Variants in TENM3 observed in about 807,000 individuals in gnomAD.
TENM3 encodes teneurin-3.
TENM3 carries 63 observed loss-of-function variants against 255.1 expected under a neutral mutation model. The observed-to-expected ratio is 0.25, with a 90% CI of 0.20 to 0.30. The LOEUF (loss-of-function observed/expected upper bound fraction) is 0.30. Among genes scored for constraint, TENM3 ranks in the 10% least tolerant of loss-of-function variants. TENM3 has a pLI of 1.00. For synonymous variants in TENM3, 1,306 were observed against 1,322.3 expected (o/e 0.99, Z 0.27); for missense variants, 2,929 against 3,461.1 (o/e 0.85, Z 3.86).
At chr4:181,829,737 A>G in the TENM3 span, among the ~76,000 whole-genome samples, 2 of 151,998 alleles carry the variant, frequency 1.3e-5, no homozygotes, top group African/African-American at 4.8e-5. Flanking sequence ...CAGCCCCTAC[A>G]TTGCCCACCC....
rs185961955 is a variant in TENM3 at position 182,247,890 on chromosome 4, A to G, written c.-76+4414A>G. ...CCCAAACTCTAGCAAATGCACCCTC[A>G]CCCTTTCCCTGCAAAGCTCCCCACG... On this transcript the variant is annotated intron_variant, in intron 1 of 27. Coordinates refer to ENST00000511685, the MANE Select transcript of TENM3 (RefSeq NM_001080477.4). Among the ~76,000 whole-genome samples the G allele has an allele frequency of 1.6e-4, 24 of 152,204 alleles. No individual in the cohort carries two copies. In the East Asian group the frequency reaches 4.1e-3, roughly 26 times the overall value.
the TENM3 span, among the ~76,000 whole-genome samples, chr4:182,023,541 A>G: frequency 6.6e-6 from 1 of 152,184 alleles, no homozygotes; most frequent in African/African-American, 2.4e-5. Context: ...TATCATAGGG[A>G]GGAATTTCTG....
chr4:182,094,846 A>T, the TENM3 span, among the ~76,000 whole-genome samples: 1 of 152,134 alleles, frequency 6.6e-6, no homozygotes, highest in African/African-American at 2.4e-5. Flanking sequence ...AGAATCGGAA[A>T]TTAAAGTAAA....
intron 3 of TENM3, among the ~76,000 whole-genome samples, chr4:182,359,374 T>C (rs1479620354): frequency 1.3e-5 from 2 of 151,900 alleles, no homozygotes; most frequent in Non-Finnish European, 2.9e-5. Flanking sequence ...TGGTAAGCTA[T>C]TGATTATTGC....
intron 22 of TENM3, among the ~76,000 whole-genome samples, chr4:182,764,300 AATTT>A (rs1201561697): frequency 6.6e-6 from 1 of 152,168 alleles, no homozygotes; most frequent in African/African-American, 2.4e-5. Context: ...ATTCAGTAAG[AATTT>A]ATTATGTGCC....
chr4:181,688,308 C>T, the TENM3 span, among the ~76,000 whole-genome samples: 118,869 of 152,036 alleles, frequency 0.78, 46,826 homozygotes, highest in Admixed American at 0.88. Context: ...AGTCTAAGCC[C>T]TTTTTTTGAA....
the TENM3 span, among the ~76,000 whole-genome samples, chr4:181,632,355 T>C: frequency 6.6e-5 from 10 of 152,102 alleles, no homozygotes; most frequent in Admixed American, 1.3e-4. Context: ...TCCCCTGACA[T>C]TGGGGGATTA....
the TENM3 span, among the ~76,000 whole-genome samples, chr4:181,863,026 A>G: frequency 6.6e-6 from 1 of 152,132 alleles, no homozygotes; most frequent in Non-Finnish European, 1.5e-5. Flanking sequence ...AAATGTTAAT[A>G]CTTTTGGGGT....
the TENM3 span, among the ~76,000 whole-genome samples, chr4:181,766,131 C>T: frequency 6.6e-6 from 1 of 152,142 alleles, no homozygotes; most frequent in African/African-American, 2.4e-5. Context: ...CCAGATGCGC[C>T]TCCATGCCTG....
intron 3 of TENM3, chr4:182,449,037 G>A: frequency 5.2e-6 from 2 of 382,896 alleles, no homozygotes; most frequent in Non-Finnish European, 5.2e-6. Flanking sequence ...ACTTGGCAGC[G>A]CTGGGCTCGG....
chr4:182,303,960 AT>A (rs1165366618), intron 1 of TENM3, among the ~76,000 whole-genome samples: 1 of 152,078 alleles, frequency 6.6e-6, no homozygotes, highest in Non-Finnish European at 1.5e-5. Context: ...CTCAACGATT[AT>A]TTTTTCAAGA....
chr4:182,033,521 G>A, the TENM3 span, among the ~76,000 whole-genome samples: 9 of 152,142 alleles, frequency 5.9e-5, no homozygotes, highest in Admixed American at 3.3e-4. Flanking sequence ...GTTGTTTTTC[G>A]AGGGAGAGTT....
intron 2 of TENM3, among the ~76,000 whole-genome samples, chr4:182,337,690 A>G (rs1764230285): frequency 6.6e-6 from 1 of 152,220 alleles, no homozygotes; most frequent in Non-Finnish European, 1.5e-5. Flanking sequence ...ATTTACCCAA[A>G]GTAAATAAAA....
the TENM3 span, among the ~76,000 whole-genome samples, chr4:181,605,584 G>GATAGAAAGAAAGAAAGAAA: frequency 8.7e-5 from 6 of 69,192 alleles, 1 homozygote; most frequent in Admixed American, 4.8e-4. Flanking sequence ...GAGAAAGAAA[G>GATAGAAAGAAAGAAAGAAA]GAAAGAAAGA....
At chr4:182,267,066 A>G (rs1202500093) in intron 1 of TENM3, among the ~76,000 whole-genome samples, 1 of 152,218 alleles carries the variant, frequency 6.6e-6, no homozygotes, top group Non-Finnish European at 1.5e-5. Context: ...ACTCTCATAG[A>G]AAACTAAAAT....
chr4:181,467,072 T>TGTGC, the TENM3 span, among the ~76,000 whole-genome samples: 1 of 21,432 alleles, frequency 4.7e-5, no homozygotes, highest in Non-Finnish European at 1.3e-4. Context: ...TGTGTGTGTG[T>TGTGC]GTGTGTGTGT....
In TENM3 at chr4:182,345,351, C is replaced by T. The variant is rs544589361; in HGVS notation, c.233-1300C>T. On this transcript the variant is annotated intron_variant, in intron 2 of 27. Coordinates refer to ENST00000511685, the MANE Select transcript of TENM3 (RefSeq NM_001080477.4). ...TTTTATCACAAATAATTTATAATAC[C>T]CTCTTTCAAAAAATATAATGTATGT... 3.6e-4 allele frequency among the ~76,000 whole-genome samples: 54 copies of T among 152,056 alleles called. 1 individual carries two copies. Among genetic ancestry groups the T allele is most frequent in the African/African-American group, 1.2e-3 (48 of 41,456 alleles).
chr4:182,796,830 A>T, intron 27 of TENM3, 63 bp downstream of exon 27: 1 of 1,315,088 alleles, frequency 7.6e-7, no homozygotes, highest in Admixed American at 2.5e-5. Flanking sequence ...ACCCATATCT[A>T]ATCAAACTAC....
chr4:182,775,115 G>A lies in TENM3; in HGVS notation c.5266G>A (p.Ala1756Thr), dbSNP rs748812372. Reference protein sequence around the residue: ...LVEWRFRKEQAQGKVNVFGRK... With the variant: ...LVEWRFRKEQTQGKVNVFGRK... ...GGAATGGAGATTCCGAAAAGAGCAA[G>A]CCCAAGGGAAAGTCAATGTCTTTGG... Residue 1756 changes from alanine to threonine, a missense_variant, in exon 24 of 28, where the codon GCC becomes ACC. By Grantham distance (58) the Ala-to-Thr change is moderately conservative. This residue lies in a region of TENM3 where 303 missense variants were observed against 425.2 expected (regional missense o/e 0.71). Coordinates refer to ENST00000511685, the MANE Select transcript of TENM3 (RefSeq NM_001080477.4). 5.5e-5 allele frequency: 89 copies of A among 1,613,888 alleles called. No individual in the cohort carries two copies. The highest frequency in any genetic ancestry group is 7.4e-5 in the Non-Finnish European group (87 of 1,179,902).
Sources: gnomAD v4.1 joint callset for allele counts (sites outside exome capture counted in the v4.1 genomes callset) on GRCh38, gnomAD v4.1.1 for gene constraint, gnomAD v4.1.1 regional missense constraint, MANE v1.5 for transcripts, NCBI Gene and HGNC (gene_info 2026-07-23, HGNC 2026-07-21) for gene names.